The following DMRT1 variants were observed in gnomAD, a reference collection of about 807,000 sequenced individuals.
The protein encoded by DMRT1 is doublesex and mab-3 related transcription factor 1, also known as doublesex- and mab-3-related transcription factor 1.
Under a neutral mutation model 32.3 loss-of-function variants are expected in DMRT1, and 7 were observed. That is an observed-to-expected ratio of 0.22 (90% confidence interval 0.12 to 0.41). DMRT1 has a LOEUF of 0.41. Ranked by LOEUF, DMRT1 falls within the 10% of genes least tolerant of loss-of-function variation. The probability of loss-of-function intolerance (pLI) is 1.00; values close to 1 mark genes in which losing one functional copy is unlikely to be tolerated. For synonymous variants in DMRT1, 278 were observed against 206.1 expected (o/e 1.35, Z -2.99); for missense variants, 625 against 500.5 (o/e 1.25, Z -2.37).
At chr9:879,550 G>A (rs1816647618) in intron 2 of DMRT1, among the ~76,000 whole-genome samples, 1 of 152,146 alleles carries the variant, frequency 6.6e-6, no homozygotes. Flanking sequence ...GTTAGAAGAG[G>A]GGTAGAAGTA....
At chr9:911,193 C>G (rs912900426) in intron 3 of DMRT1, among the ~76,000 whole-genome samples, 5 of 152,108 alleles carry the variant, frequency 3.3e-5, no homozygotes, top group Non-Finnish European at 7.4e-5. Context: ...CAGCAGCATC[C>G]CTGACCTTGA....
chr9:908,132 T>C (rs1033367158), intron 3 of DMRT1, among the ~76,000 whole-genome samples: 11 of 152,110 alleles, frequency 7.2e-5, no homozygotes, highest in Non-Finnish European at 1.2e-4. Context: ...TGATATCCTA[T>C]GGGGTTTCTA....
intron 2 of DMRT1, among the ~76,000 whole-genome samples, chr9:883,966 T>C (rs1329771548): frequency 2.0e-5 from 3 of 152,118 alleles, no homozygotes; most frequent in Admixed American, 1.3e-4. Context: ...CCATGCAAGA[T>C]ATGGGGTTAC....
At chr9:956,425 G>C (rs1317033962) in intron 4 of DMRT1, among the ~76,000 whole-genome samples, 1 of 152,118 alleles carries the variant, frequency 6.6e-6, no homozygotes, top group Admixed American at 6.5e-5. Context: ...AGGGCCAGGT[G>C]TGGTGGCTCA....
intron 4 of DMRT1, among the ~76,000 whole-genome samples, chr9:921,531 A>G (rs749774449): frequency 2.0e-5 from 3 of 152,086 alleles, no homozygotes; most frequent in African/African-American, 7.2e-5. Context: ...GCTGGGTCCT[A>G]TGGTAAGTCT....
At chr9:891,476 G>A (rs1817147372) in intron 2 of DMRT1, among the ~76,000 whole-genome samples, 4 of 150,174 alleles carry the variant, frequency 2.7e-5, no homozygotes. Context: ...CAAAATAAAA[G>A]TGAAACGACA....
At chr9:866,394 C>T (rs1815991622) in intron 2 of DMRT1, among the ~76,000 whole-genome samples, 1 of 151,970 alleles carries the variant, frequency 6.6e-6, no homozygotes, top group African/African-American at 2.4e-5. Flanking sequence ...GACGTCACCA[C>T]CTTTAAGAAG....
chr9:967,936 A>G (rs1564282172), intron 4 of DMRT1, 49 bp from the exon 5 acceptor site: 2 of 1,359,262 alleles, frequency 1.5e-6, no homozygotes, highest in Non-Finnish European at 2.0e-6. Context: ...CACTTTTAAC[A>G]TTACTCCCTT....
At chr9:964,492 C>A (rs1418899795) in intron 4 of DMRT1, among the ~76,000 whole-genome samples, 1 of 151,874 alleles carries the variant, frequency 6.6e-6, no homozygotes, top group Non-Finnish European at 1.5e-5. Context: ...ATCAGATGGG[C>A]AAGTTTTCCT....
chr9:937,867 C>A (rs1818938336), intron 4 of DMRT1, among the ~76,000 whole-genome samples: 1 of 151,068 alleles, frequency 6.6e-6, no homozygotes. Flanking sequence ...TCCAAGTTAT[C>A]TAGTTTTTCT....
intron 3 of DMRT1, among the ~76,000 whole-genome samples, chr9:902,144 A>G (rs1431475477): frequency 1.3e-5 from 2 of 149,096 alleles, no homozygotes; most frequent in Non-Finnish European, 3.0e-5. Context: ...TCCTGACCTC[A>G]GGTGATCCGC....
At position 853,783 on chromosome 9, in the gene DMRT1, G is replaced by T. The variant is rs535593505; in HGVS notation, c.538+6640G>T. On this transcript the variant is annotated intron_variant, in intron 2 of 4. Coordinates refer to ENST00000382276, the MANE Select transcript of DMRT1 (RefSeq NM_021951.3). ...GCCTCCCAAAATGCTGGGATTACAG[G>T]CATGAGCCACCAGGACTGGCCATTT... is the stretch of plus-strand genomic sequence containing the variant. 1.5e-4 allele frequency among the ~76,000 whole-genome samples: 23 copies of T among 150,690 alleles called. No homozygotes were observed. The South Asian group carries it at 4.2e-3, about 28-fold the overall frequency.
At position 965,045 on chromosome 9, in the gene DMRT1, C is replaced by T. The variant is rs1333304047; in HGVS notation, c.968-2940C>T. 4.6e-5 allele frequency among the ~76,000 whole-genome samples: 7 copies of T among 152,148 alleles called. No individual in the cohort carries two copies. The highest frequency in any genetic ancestry group is 7.2e-5 in the African/African-American group (3 of 41,430). ...TTAATTGGTATGAAATAATTTACAA[C>T]GGTCAACTATTAGCCTTCTCCTTCC... On this transcript the variant is annotated intron_variant, in intron 4 of 4. Transcript: ENST00000382276. This position sits in a 1 kb window ranked among gnomAD's most constrained non-coding sequence, Gnocchi z 4.5.
Position 965,808 on chromosome 9 carries a change from G to T in DMRT1, c.968-2177G>T, listed in dbSNP as rs1412139825. Among the ~76,000 whole-genome samples, 2 of 152,214 alleles carry T rather than the reference G, an allele frequency of 1.3e-5. No homozygotes were observed. Among genetic ancestry groups the T allele is most frequent in the Non-Finnish European group, 2.9e-5 (2 of 68,040 alleles). The stretch of plus-strand genomic sequence containing the variant: ...GGAGAAGGTTGGTGCAGGGGCCAGA[G>T]CACGCCAGAGTCAGCCTAATCAGTA... On this transcript the variant is annotated intron_variant, in intron 4 of 4. Coordinates refer to ENST00000382276, the MANE Select transcript of DMRT1 (RefSeq NM_021951.3). This position sits in a 1 kb window ranked among gnomAD's most constrained non-coding sequence, Gnocchi z 4.5.
intron 4 of DMRT1, among the ~76,000 whole-genome samples, chr9:951,942 C>T (rs532255486): frequency 6.6e-6 from 1 of 152,258 alleles, no homozygotes; most frequent in East Asian, 1.9e-4. Flanking sequence ...GGCCAGTGTC[C>T]ATTCAATGCC....
intron 2 of DMRT1, among the ~76,000 whole-genome samples, chr9:881,329 G>A (rs1000132915): frequency 7.2e-5 from 11 of 152,186 alleles, no homozygotes; most frequent in Non-Finnish European, 1.5e-4. Flanking sequence ...GAAGCTATGT[G>A]AAACAATATG....
intron 4 of DMRT1, among the ~76,000 whole-genome samples, chr9:940,020 T>C (rs1193633337): frequency 6.6e-6 from 1 of 152,134 alleles, no homozygotes; most frequent in East Asian, 1.9e-4. Context: ...GATTCCACTT[T>C]ACACCCATTA....
chr9:920,745 T>G (rs951905385), intron 4 of DMRT1, among the ~76,000 whole-genome samples: 3 of 152,110 alleles, frequency 2.0e-5, no homozygotes, highest in African/African-American at 7.2e-5. Flanking sequence ...GAGGGAGAAT[T>G]TGTGGATACA....
chr9:870,341 G>C (rs1233164987), intron 2 of DMRT1, among the ~76,000 whole-genome samples: 1 of 152,186 alleles, frequency 6.6e-6, no homozygotes, highest in Non-Finnish European at 1.5e-5. Context: ...GGAGGTTGCA[G>C]TGAGCCGAGA....
Sources: gnomAD v4.1 joint callset for allele counts (sites outside exome capture counted in the v4.1 genomes callset) on GRCh38, gnomAD v4.1.1 for gene constraint, Gnocchi (gnomAD v3.1) non-coding constraint, MANE v1.5 for transcripts, NCBI Gene and HGNC (gene_info 2026-07-23, HGNC 2026-07-21) for gene names.